The following ZNF566 variants were observed in gnomAD, a reference collection of about 807,000 sequenced individuals.
ZNF566 encodes zinc finger protein 566.
ZNF566 carries 27 observed loss-of-function variants against 32.8 expected under a neutral mutation model. The observed-to-expected ratio is 0.82, with a 90% CI of 0.61 to 1.14. The LOEUF (loss-of-function observed/expected upper bound fraction) is 1.14, where lower values mean the gene tolerates loss of function less well. Ranked by LOEUF, ZNF566 falls within the 50% of genes most tolerant of loss-of-function variation. The probability of loss-of-function intolerance (pLI) is 0.00; values close to 1 mark genes in which losing one functional copy is unlikely to be tolerated. For missense variants in ZNF566, 402 were observed against 490.4 expected (o/e 0.82, Z 1.70); for synonymous variants, 154 against 159.5 (o/e 0.97, Z 0.26).
At chr19:36,476,355 TTC>T in intron 2 of ZNF566, 192 bp downstream of exon 2, 1 of 431,770 alleles carries the variant, frequency 2.3e-6, no homozygotes, top group African/African-American at 2.5e-5. Context: ...ATGTAATCAA[TTC>T]TTTTTTTTTC....
At chr19:36,451,758 A>G (rs1335690575) in intron 4 of ZNF566, among the ~76,000 whole-genome samples, 3 of 152,220 alleles carry the variant, frequency 2.0e-5, no homozygotes, top group African/African-American at 4.8e-5. Flanking sequence ...CTGTAATCCC[A>G]GCACTCTGCG....
At chr19:36,462,629 CAG>C (rs1273763707) in intron 4 of ZNF566, among the ~76,000 whole-genome samples, 2 of 151,806 alleles carry the variant, frequency 1.3e-5, no homozygotes, top group Non-Finnish European at 2.9e-5. Context: ...CATGCAAAAA[CAG>C]GGGGGAAAAT....
chr19:36,468,978 G>C (rs1018173930), intron 4 of ZNF566, among the ~76,000 whole-genome samples: 1 of 151,414 alleles, frequency 6.6e-6, no homozygotes, highest in South Asian at 2.1e-4. Context: ...ATTTTGCAAA[G>C]TCCATAAAAA....
At chr19:36,478,998 C>T (rs1031965352) in intron 1 of ZNF566, among the ~76,000 whole-genome samples, 1 of 152,168 alleles carries the variant, frequency 6.6e-6, no homozygotes, top group African/African-American at 2.4e-5. Flanking sequence ...CTGATGCCTA[C>T]GCTGCTTGCT....
At chr19:36,485,559 C>T (rs1424398629) in intron 1 of ZNF566, among the ~76,000 whole-genome samples, 1 of 151,236 alleles carries the variant, frequency 6.6e-6, no homozygotes, top group Admixed American at 6.6e-5. Context: ...GTCAGGAGTT[C>T]GAGACCAGCC....
intron 4 of ZNF566, among the ~76,000 whole-genome samples, chr19:36,453,870 C>G (rs1205643638): frequency 6.6e-6 from 1 of 151,970 alleles, no homozygotes; most frequent in African/African-American, 2.4e-5. Context: ...GTCTCCCAGG[C>G]TGGAGTGCGG....
intron 4 of ZNF566, among the ~76,000 whole-genome samples, chr19:36,459,801 G>A (rs1056487308): frequency 1.3e-5 from 2 of 148,878 alleles, no homozygotes; most frequent in Non-Finnish European, 3.0e-5. Flanking sequence ...GTGAGCCACC[G>A]CGCCTGGCCA....
chr19:36,455,086 A>G (rs1015532002), intron 4 of ZNF566, among the ~76,000 whole-genome samples: 13 of 152,336 alleles, frequency 8.5e-5, no homozygotes, highest in African/African-American at 2.9e-4. Flanking sequence ...CAAAGCAATC[A>G]ATGTGATACA....
chr19:36,459,453 T>G (rs1434012239), intron 4 of ZNF566, among the ~76,000 whole-genome samples: 2 of 151,600 alleles, frequency 1.3e-5, no homozygotes, highest in Admixed American at 6.6e-5. Flanking sequence ...GACCGTGTGA[T>G]CCACCCACCT....
intron 4 of ZNF566, among the ~76,000 whole-genome samples, chr19:36,469,507 T>C (rs2033710738): frequency 1.3e-5 from 2 of 151,468 alleles, no homozygotes; most frequent in African/African-American, 4.9e-5. Context: ...GCCTTTACAC[T>C]CCAGCCTGGG....
At chr19:36,450,255 C>A (rs2033118583) in intron 4 of ZNF566, among the ~76,000 whole-genome samples, 1 of 152,106 alleles carries the variant, frequency 6.6e-6, no homozygotes, top group African/African-American at 2.4e-5. Flanking sequence ...AGTCCTATCT[C>A]CCTTGTTAAA....
At chr19:36,457,866 G>C (rs1044222682) in intron 4 of ZNF566, among the ~76,000 whole-genome samples, 11 of 152,010 alleles carry the variant, frequency 7.2e-5, no homozygotes, top group African/African-American at 1.4e-4. Context: ...ACTCCAGCCT[G>C]GGCAACAAGA....
chr19:36,449,208 C>T lies in ZNF566; in HGVS notation c.1026G>A (p.Lys342=). ...IHTGEKPYEC[K]ECEKAFRSGS... ...CAGAACGAAAAGCCTTTTCACATTC[C>T]TTACATTCGTAAGGTTTCTCACCTG... Residue 342 remains lysine, a synonymous_variant, in exon 5 of 5, where the codon AAG becomes AAA. Coordinates refer to ENST00000452939, the MANE Select transcript of ZNF566 (RefSeq NM_001145344.1). The T allele has an allele frequency of 6.2e-7, 1 of 1,613,916 alleles. No homozygotes were observed. The highest frequency in any genetic ancestry group is 8.5e-7 in the Non-Finnish European group (1 of 1,179,938).
chr19:36,448,996 T>C lies in ZNF566; in HGVS notation c.1238A>G (p.His413Arg), dbSNP rs976902613. Residue 413 changes from histidine to arginine, a missense_variant, in exon 5 of 5, where the codon CAT (histidine) becomes CGT (arginine). His to Arg is a conservative substitution (Grantham distance 29). Transcript: ENST00000452939. ...GTTTCATCACCAGTACAAATTTTGA[T>C]GCTGAATAAGTTGTGGGTCATAATT... ...NFNYDPQLIQ[H>R]QNLYW 1.3e-6 allele frequency: 2 copies of C among 1,585,298 alleles called. No homozygotes were observed. Among genetic ancestry groups the C allele is most frequent in the Non-Finnish European group, 1.7e-6 (2 of 1,168,664 alleles).
intron 1 of ZNF566, among the ~76,000 whole-genome samples, chr19:36,487,110 A>C (rs2034186485): frequency 1.3e-5 from 2 of 148,970 alleles, no homozygotes; most frequent in African/African-American, 4.9e-5. Context: ...AAAAAAACAA[A>C]CCAAAACAAG....
chr19:36,454,888 G>A (rs1018472458), intron 4 of ZNF566, among the ~76,000 whole-genome samples: 13 of 152,128 alleles, frequency 8.5e-5, no homozygotes, highest in African/African-American at 3.1e-4. Flanking sequence ...TATGAGGATA[G>A]TATTACCCTG....
At chr19:36,471,364 T>A (rs2033760903) in intron 4 of ZNF566, among the ~76,000 whole-genome samples, 1 of 152,126 alleles carries the variant, frequency 6.6e-6, no homozygotes, top group Admixed American at 6.6e-5. Flanking sequence ...CTCCTGCCTC[T>A]TTGATCTCAT....
rs763111353 is a variant in ZNF566, at chr19:36,447,299, G to A, written c.*1678C>T. On this transcript the variant is annotated 3_prime_UTR_variant, in exon 5 of 5. Transcript: ENST00000452939. ...CCCAAAGTGCTGGGATTACAGGCGT[G>A]AGCCAAGATGTGTACTTCTATATAA... The A allele has an allele frequency of 6.6e-6, 1 of 152,198 alleles. No individual in the cohort carries two copies. Among genetic ancestry groups the A allele is most frequent in the Non-Finnish European group, 1.5e-5 (1 of 68,050 alleles). The allele number at this position is 152,198 out of a possible 1,614,324, so 9.4% of individuals were successfully genotyped here.
intron 4 of ZNF566, among the ~76,000 whole-genome samples, chr19:36,470,706 T>A (rs1386165025): frequency 6.6e-6 from 1 of 152,058 alleles, no homozygotes; most frequent in Non-Finnish European, 1.5e-5. Flanking sequence ...AGGTCAGGAT[T>A]TCGAGACCAG....
Sources: gnomAD v4.1 joint callset for allele counts (sites outside exome capture counted in the v4.1 genomes callset) on GRCh38, gnomAD v4.1.1 for gene constraint, MANE v1.5 for transcripts, NCBI Gene and HGNC (gene_info 2026-07-23, HGNC 2026-07-21) for gene names.